Variants in ZNF777 observed in about 807,000 individuals in gnomAD.
The protein encoded by ZNF777 is zinc finger protein 777.
Under a neutral mutation model 72.1 loss-of-function variants are expected in ZNF777, and 7 were observed. The ratio of observed to expected loss-of-function variants is 0.10; its 90% confidence interval spans 0.06 to 0.18. ZNF777 has a LOEUF of 0.18. ZNF777 is among the 10% of genes least tolerant of loss of function. The pLI is 1.00. For missense variants in ZNF777, 828 were observed against 1,128.6 expected (o/e 0.73, Z 3.82); for synonymous variants, 545 against 483.5 (o/e 1.13, Z -1.67).
At chr7:149,434,802 C>T (rs954863591) in intron 5 of ZNF777, among the ~76,000 whole-genome samples, 1 of 152,060 alleles carries the variant, frequency 6.6e-6, no homozygotes, top group Non-Finnish European at 1.5e-5. Context: ...AGGCTGCTCT[C>T]GAACTCCTAA....
chr7:149,442,070 A>G (rs1799527097), intron 4 of ZNF777, among the ~76,000 whole-genome samples: 1 of 151,390 alleles, frequency 6.6e-6, no homozygotes, highest in South Asian at 2.1e-4. Context: ...TACAAAAATT[A>G]GCTGGGCCTG....
chr7:149,451,154 T>C (rs780441862), intron 3 of ZNF777, 42 bp from the exon 4 acceptor site: 7 of 1,545,578 alleles, frequency 4.5e-6, no homozygotes, highest in Admixed American at 3.3e-5. Context: ...TGGGATGAGG[T>C]TGCACTGGAT....
At chr7:149,454,061 CT>C in intron 3 of ZNF777, 49 bp downstream of exon 3, 2 of 1,609,520 alleles carry the variant, frequency 1.2e-6, no homozygotes, top group Non-Finnish European at 1.7e-6. Flanking sequence ...TATGAATGCA[CT>C]TTGAGCTGGC....
At chr7:149,452,780 C>T (rs1418338281) in intron 3 of ZNF777, among the ~76,000 whole-genome samples, 1 of 152,206 alleles carries the variant, frequency 6.6e-6, no homozygotes, top group African/African-American at 2.4e-5. Context: ...TATCAACTGG[C>T]TCAGCCTTCT....
chr7:149,455,081 T>A lies in ZNF777; in HGVS notation c.846+96A>T. 6.9e-7 allele frequency: 1 copy of A among 1,459,638 alleles called. No individual in the cohort carries two copies. The highest frequency in any genetic ancestry group is 9.2e-7 in the Non-Finnish European group (1 of 1,086,556). 90.4% of individuals were successfully genotyped at this position (1,459,638 alleles called of 1,614,324 possible). ...ACTGGGATCACTGTATTTTTTCCTT[T>A]ATCAACCACCCCTTTCTTTCATATT... On this transcript the variant is annotated intron_variant, in intron 2 of 5. Coordinates refer to ENST00000247930, the MANE Select transcript of ZNF777 (RefSeq NM_015694.3). The surrounding 1 kb of genome is among the most constrained non-coding windows in gnomAD (Gnocchi z 4.2).
rs1012331589 is a variant in ZNF777 at position 149,447,918 on chromosome 7, G to C, written c.1087+3081C>G. Among the ~76,000 whole-genome samples the C allele has an allele frequency of 2.0e-5, 3 of 152,204 alleles. No homozygotes were observed. The East Asian group carries it at 5.8e-4, about 29-fold the overall frequency. On this transcript the variant is annotated intron_variant, in intron 4 of 5. Coordinates refer to ENST00000247930, the MANE Select transcript of ZNF777 (RefSeq NM_015694.3). The stretch of plus-strand genomic sequence containing the variant: ...TCGCTCCACAGGAGTTAAGTCTGAG[G>C]GCAAGGGCCTCAGGGTTAATATAGT...
rs1035046764 is a variant in ZNF777 at position 149,460,938 on chromosome 7, A to G, written c.-139T>C. The G allele has an allele frequency of 6.6e-6, 1 of 152,238 alleles. No individual in the cohort carries two copies. The highest frequency in any genetic ancestry group is 1.5e-5 in the Non-Finnish European group (1 of 68,048). The allele number at this position is 152,238 out of a possible 1,614,324, so 9.4% of individuals were successfully genotyped here. A position where few individuals can be genotyped will look rare whatever the true frequency, so the allele number is the denominator to read the frequency against. ...TGGAGGCGGCTTGATTGGCTCCGAC[A>G]GCCTTCCTCCCGCCGATCCCCTGCG... On this transcript the variant is annotated 5_prime_UTR_variant, in exon 1 of 6. Transcript: ENST00000247930. The surrounding 1 kb of genome is among the most constrained non-coding windows in gnomAD (Gnocchi z 6.1).
Position 149,436,578 on chromosome 7 carries a change from T to C in ZNF777, c.1336A>G (p.Thr446Ala). Residue 446 changes from threonine (T) to alanine (A), a missense_variant, in exon 5 of 6, where the codon ACG becomes GCG. Transcript: ENST00000247930. This position sits in a 1 kb window ranked among gnomAD's most constrained non-coding sequence, Gnocchi z 5.0. ...GCCGTCCCCGCCCAGCACTCACCCG[T>C]GCAGTTCCTCTGCTGCACCAGCATC... ...KQMLVQQRNC[T>A]EGIVIKTEEQ... 6.2e-7 allele frequency: 1 copy of C among 1,602,228 alleles called. No individual in the cohort carries two copies. Among genetic ancestry groups the C allele is most frequent in the Non-Finnish European group, 8.5e-7 (1 of 1,174,604 alleles).
chr7:149,445,889 T>C (rs1799591763), intron 4 of ZNF777, among the ~76,000 whole-genome samples: 1 of 152,166 alleles, frequency 6.6e-6, no homozygotes, highest in Non-Finnish European at 1.5e-5. Context: ...TTCATTCCTA[T>C]TTCCAGGGAT....
At position 149,455,115 on chromosome 7, in the gene ZNF777, T is replaced by A. The variant is rs1216491642; in HGVS notation, c.846+62A>T. On this transcript the variant is annotated intron_variant, in intron 2 of 5. Coordinates refer to ENST00000247930, the MANE Select transcript of ZNF777 (RefSeq NM_015694.3). The surrounding 1 kb of genome is among the most constrained non-coding windows in gnomAD (Gnocchi z 4.2). The stretch of plus-strand genomic sequence containing the variant: ...CCCCTTTCTTTCATATTACACTACA[T>A]TCCTAAACCACACTCCAATTCAGAT... 1 of 1,539,712 alleles carries A rather than the reference T, an allele frequency of 6.5e-7. No individual in the cohort carries two copies. Among genetic ancestry groups the A allele is most frequent in the East Asian group, 2.3e-5 (1 of 44,418 alleles).
At chr7:149,459,620 C>G in intron 1 of ZNF777, 1 of 984,800 alleles carries the variant, frequency 1.0e-6, no homozygotes, top group Non-Finnish European at 1.2e-6. Context: ...TCTGGGCAGG[C>G]CTTTCTGGGG....
intron 4 of ZNF777, 90 bp downstream of exon 4, chr7:149,450,909 C>G: frequency 8.6e-7 from 1 of 1,160,286 alleles, no homozygotes; most frequent in Admixed American, 2.0e-5. Flanking sequence ...CCTGGCAGGG[C>G]CTACCTTGGA....
chr7:149,444,032 C>G (rs546998217), intron 4 of ZNF777, among the ~76,000 whole-genome samples: 1 of 152,350 alleles, frequency 6.6e-6, no homozygotes, highest in African/African-American at 2.4e-5. Context: ...TATTGCTACT[C>G]CTTGAGTTTT....
rs763227416 is a variant in ZNF777, at chr7:149,431,727, G to A, written c.*49C>T. 535 of 1,279,614 alleles carry A rather than the reference G, an allele frequency of 4.2e-4. 2 individuals carry two copies. The highest frequency in any genetic ancestry group is 8.0e-4 in the East Asian group (19 of 23,890). The allele number at this position is 1,279,614 out of a possible 1,614,324, so 79.3% of individuals were successfully genotyped here. ...GGCTCGGGCCTGGCGGTGTCCGAGG[G>A]GGGGCACGGCCCGCGCACCTGGCCG... is the stretch of plus-strand genomic sequence containing the variant. On this transcript the variant is annotated 3_prime_UTR_variant, in exon 6 of 6. Transcript: ENST00000247930.
chr7:149,432,688 C>G lies in ZNF777; in HGVS notation c.1584G>C (p.Glu528Asp). Residue 528 changes from glutamate to aspartate, a missense_variant, in exon 6 of 6, where the codon GAG becomes GAC. This residue lies in a region of ZNF777 where 219 missense variants were observed against 223.0 expected (regional missense o/e 0.98). Coordinates refer to ENST00000247930, the MANE Select transcript of ZNF777 (RefSeq NM_015694.3). ...PSVHGERHLS[E>D]NRGASSQQQR... ...GCTGCTGGCTCGAGGCCCCGCGGTTCTCGCTCAGGTGCCGCTCACCGTGCA... is the reference window on the plus strand; with the variant it reads ...GCTGCTGGCTCGAGGCCCCGCGGTTGTCGCTCAGGTGCCGCTCACCGTGCA... 2 of 1,613,026 alleles carry G rather than the reference C, an allele frequency of 1.2e-6. No individual in the cohort carries two copies.
chr7:149,448,583 A>AGTTATATAGTTATACATATAAC (rs1799656341), intron 4 of ZNF777, among the ~76,000 whole-genome samples: 1 of 19,030 alleles, frequency 5.3e-5, no homozygotes, highest in Non-Finnish European at 8.4e-5. Context: ...ATATAACTAT[A>AGTTATATAGTTATACATATAAC]TATATATATA....
chr7:149,451,918 C>T (rs1799724508), intron 3 of ZNF777, among the ~76,000 whole-genome samples: 1 of 152,108 alleles, frequency 6.6e-6, no homozygotes, highest in East Asian at 1.9e-4. Flanking sequence ...AATTGCAAAG[C>T]TATAAATAGG....
intron 1 of ZNF777, chr7:149,459,948 C>A: frequency 1.1e-6 from 1 of 936,846 alleles, no homozygotes; most frequent in Non-Finnish European, 1.3e-6. Flanking sequence ...AGCCCTCCCC[C>A]ACCGCCCGGG....
chr7:149,432,725 A>G lies in ZNF777; in HGVS notation c.1547T>C (p.Leu516Pro). Residue 516 changes from leucine (L) to proline (P), a missense_variant, in exon 6 of 6, where the codon CTG (leucine) becomes CCG (proline). Leu to Pro is a moderately conservative substitution (Grantham distance 98). Around this residue, in one of 12 missense-constraint regions of ZNF777, gnomAD observed 219 missense variants for 223.0 expected, o/e 0.98. Transcript: ENST00000247930. ...LQLGNPAVKR[L>P]APSVHGERHL... ...CCGCTCACCGTGCACGGAGGGCGCC[A>G]GCCTTTTCACTGCGGGGTTTCCTAG... The G allele has an allele frequency of 1.2e-6, 2 of 1,612,338 alleles. No homozygotes were observed. The highest frequency in any genetic ancestry group is 1.7e-6 in the Non-Finnish European group (2 of 1,178,956).
Sources: gnomAD v4.1 joint callset for allele counts (sites outside exome capture counted in the v4.1 genomes callset) on GRCh38, gnomAD v4.1.1 for gene constraint, gnomAD v4.1.1 regional missense constraint, Gnocchi (gnomAD v3.1) non-coding constraint, MANE v1.5 for transcripts, NCBI Gene and HGNC (gene_info 2026-07-23, HGNC 2026-07-21) for gene names.